The following CDH4 variants were observed in gnomAD, a reference collection of about 807,000 sequenced individuals.
CDH4 encodes cadherin-4.
In CDH4, 33 loss-of-function variants were observed where a neutral mutation model predicts 86.0. That is an observed-to-expected ratio of 0.38 (90% confidence interval 0.29 to 0.51). CDH4 has a LOEUF of 0.51. Among genes scored for constraint, CDH4 ranks in the 20% least tolerant of loss-of-function variants. The probability of loss-of-function intolerance (pLI) is 0.86; values close to 1 mark genes in which losing one functional copy is unlikely to be tolerated. For synonymous variants in CDH4, 555 were observed against 549.4 expected (o/e 1.01, Z -0.14); for missense variants, 1,114 against 1,307.4 (o/e 0.85, Z 2.28).
rs114815769 is a variant in CDH4 at position 61,310,024 on chromosome 20, G to A, written c.169+55087G>A. On this transcript the variant is annotated intron_variant, in intron 2 of 15. Transcript: ENST00000614565. ...TTTGTTTGCAGGACAGCTCTCCTGC[G>A]GCTTACAGAAATGGGTGGCCTTGTA... Among the ~76,000 whole-genome samples the A allele has an allele frequency of 8.8e-3, 1,336 of 152,230 alleles. 18 individuals are homozygous for A. The highest frequency in any genetic ancestry group is 0.028 in the African/African-American group (1,175 of 41,538).
chr20:61,326,436 G>T (rs765809003), intron 2 of CDH4, among the ~76,000 whole-genome samples: 10 of 152,356 alleles, frequency 6.6e-5, no homozygotes, highest in Non-Finnish European at 1.3e-4. Flanking sequence ...TCCTCCGATA[G>T]TCTAGCCAGA....
At chr20:61,560,745 C>G (rs935723633) in intron 2 of CDH4, among the ~76,000 whole-genome samples, 2 of 152,232 alleles carry the variant, frequency 1.3e-5, no homozygotes, top group African/African-American at 4.8e-5. Context: ...GACCACCTCG[C>G]CATGAAGGCA....
At chr20:61,328,372 TC>T in intron 2 of CDH4, among the ~76,000 whole-genome samples, 1 of 152,296 alleles carries the variant, frequency 6.6e-6, no homozygotes, top group Non-Finnish European at 1.5e-5. Context: ...AGATGGGGTT[TC>T]ACTGTGTTAG....
intron 2 of CDH4, among the ~76,000 whole-genome samples, chr20:61,411,844 C>T (rs1485248286): frequency 2.6e-5 from 4 of 152,196 alleles, no homozygotes; most frequent in African/African-American, 9.6e-5. Context: ...TCCAGCCAGG[C>T]CCCGATCAGT....
At chr20:61,256,495 A>G (rs1284715509) in intron 2 of CDH4, among the ~76,000 whole-genome samples, 1 of 152,108 alleles carries the variant, frequency 6.6e-6, no homozygotes, top group Non-Finnish European at 1.5e-5. Context: ...TTGTGTGGGG[A>G]TATCTGCTCC....
chr20:61,618,225 G>A (rs897000022), intron 2 of CDH4, among the ~76,000 whole-genome samples: 9 of 152,036 alleles, frequency 5.9e-5, no homozygotes, highest in African/African-American at 2.2e-4. Flanking sequence ...GTTTTCCGGA[G>A]CCAGTTTCCG....
At chr20:61,716,063 T>G (rs1315887680) in intron 2 of CDH4, among the ~76,000 whole-genome samples, 3 of 152,232 alleles carry the variant, frequency 2.0e-5, no homozygotes, top group Non-Finnish European at 4.4e-5. Context: ...TGGAGGTGGC[T>G]TCTTTTGCTG....
At chr20:61,646,619 G>T (rs756128496) in intron 2 of CDH4, among the ~76,000 whole-genome samples, 4 of 152,346 alleles carry the variant, frequency 2.6e-5, no homozygotes, top group African/African-American at 7.2e-5. Flanking sequence ...GTGCCCTGGG[G>T]CTCTGAGCAG....
At chr20:61,436,301 T>G (rs6089621) in intron 2 of CDH4, among the ~76,000 whole-genome samples, 11,194 of 152,242 alleles carry the variant, frequency 0.074, 677 homozygotes, top group African/African-American at 0.16. Context: ...AATTCACTTC[T>G]GACACTGTCT....
At chr20:61,413,118 G>A (rs1485753257) in intron 2 of CDH4, among the ~76,000 whole-genome samples, 2 of 152,040 alleles carry the variant, frequency 1.3e-5, no homozygotes, top group African/African-American at 4.8e-5. Context: ...CATCCTTCAT[G>A]GCACCCAAGG....
intron 2 of CDH4, among the ~76,000 whole-genome samples, chr20:61,587,876 C>T (rs2086490093): frequency 6.6e-6 from 1 of 152,158 alleles, no homozygotes; most frequent in Non-Finnish European, 1.5e-5. Context: ...AAGCGATAAT[C>T]CCCCACTCCG....
intron 2 of CDH4, chr20:61,499,609 C>A: frequency 1.0e-6 from 1 of 994,544 alleles, no homozygotes; most frequent in Non-Finnish European, 1.3e-6. Flanking sequence ...GGGCTCCAAG[C>A]CAGAATTTAG....
rs984897612 is a variant in CDH4, at chr20:61,623,667, C to T, written c.170-119896C>T. Among the ~76,000 whole-genome samples the T allele has an allele frequency of 2.0e-5, 3 of 152,186 alleles. No homozygotes were observed. The highest frequency in any genetic ancestry group is 1.3e-4 in the Admixed American group (2 of 15,272). On this transcript the variant is annotated intron_variant, in intron 2 of 15. Coordinates refer to ENST00000614565, the MANE Select transcript of CDH4 (RefSeq NM_001794.5). This position sits in a 1 kb window ranked among gnomAD's most constrained non-coding sequence, Gnocchi z 4.4. Reference sequence around the variant, plus strand: ...TCTGAGGGAGGTTCTGACGTCACCACGCAGCCCTGGGGACCAGCCATCCCC... The same window carrying T: ...TCTGAGGGAGGTTCTGACGTCACCATGCAGCCCTGGGGACCAGCCATCCCC...
At chr20:61,936,025 A>G (rs560102164) in intron 15 of CDH4, among the ~76,000 whole-genome samples, 101 of 152,148 alleles carry the variant, frequency 6.6e-4, no homozygotes, top group African/African-American at 2.2e-3. Flanking sequence ...AGGTGCTGGC[A>G]TGGAGGTGGC....
chr20:61,851,633 C>T (rs1416302264), intron 5 of CDH4, among the ~76,000 whole-genome samples: 5 of 152,190 alleles, frequency 3.3e-5, no homozygotes, highest in African/African-American at 1.2e-4. Flanking sequence ...GCTGAGGACA[C>T]CTCTGGCTGA....
At chr20:61,825,434 T>C (rs948275242) in intron 4 of CDH4, among the ~76,000 whole-genome samples, 1 of 152,012 alleles carries the variant, frequency 6.6e-6, no homozygotes, top group African/African-American at 2.4e-5. Flanking sequence ...AACACCAAAA[T>C]AGACTGATAG....
At chr20:61,262,495 C>A (rs145056848) in intron 2 of CDH4, among the ~76,000 whole-genome samples, 2 of 152,144 alleles carry the variant, frequency 1.3e-5, no homozygotes, top group Non-Finnish European at 2.9e-5. Flanking sequence ...TCTGGGACTG[C>A]GTGGCGACTG....
Position 61,775,862 on chromosome 20 carries a change from G to A in CDH4, c.576+2680G>A, listed in dbSNP as rs145272054. Among the ~76,000 whole-genome samples, 46 of 152,306 alleles carry A rather than the reference G, an allele frequency of 3.0e-4. 1 individual carries two copies. The East Asian group carries it at 8.5e-3, about 28-fold the overall frequency. On this transcript the variant is annotated intron_variant, in intron 4 of 15. Transcript: ENST00000614565. Reference sequence around the variant, plus strand: ...GCCTGATGATCTAGGACTGAAAGGTGGGAATTTCTTCCTCAGCTCTGCTCC... The same window carrying A: ...GCCTGATGATCTAGGACTGAAAGGTAGGAATTTCTTCCTCAGCTCTGCTCC...
intron 7 of CDH4, among the ~76,000 whole-genome samples, chr20:61,885,672 G>T (rs779671499): frequency 2.0e-5 from 3 of 152,276 alleles, no homozygotes; most frequent in African/African-American, 7.2e-5. Context: ...GCCAGGCCCC[G>T]TGGTGACTCT....
Sources: gnomAD v4.1 joint callset for allele counts (sites outside exome capture counted in the v4.1 genomes callset) on GRCh38, gnomAD v4.1.1 for gene constraint, Gnocchi (gnomAD v3.1) non-coding constraint, MANE v1.5 for transcripts, NCBI Gene and HGNC (gene_info 2026-07-23, HGNC 2026-07-21) for gene names.